Variants in FTO observed in about 807,000 individuals in gnomAD.
The protein encoded by FTO is alpha-ketoglutarate-dependent dioxygenase FTO.
Under a neutral mutation model 63.9 loss-of-function variants are expected in FTO, and 47 were observed. That is an observed-to-expected ratio of 0.74 (90% CI 0.58 to 0.94). The LOEUF is 0.94. Ranked by LOEUF, FTO falls within the 40% of genes least tolerant of loss-of-function variation. The pLI, the probability that FTO is intolerant of heterozygous loss-of-function variation, is 0.00. For missense variants in FTO, 562 were observed against 618.1 expected (o/e 0.91, Z 0.96); for synonymous variants, 207 against 224.4 (o/e 0.92, Z 0.69).
intron 8 of FTO, among the ~76,000 whole-genome samples, chr16:53,959,108 A>G (rs1399077493): frequency 1.3e-5 from 2 of 152,178 alleles, no homozygotes; most frequent in Non-Finnish European, 2.9e-5. Flanking sequence ...AACTGTTACA[A>G]TGGTAGGTAT....
At chr16:53,807,484 T>G (rs1204736577) in intron 1 of FTO, among the ~76,000 whole-genome samples, 1 of 152,216 alleles carries the variant, frequency 6.6e-6, no homozygotes, top group Non-Finnish European at 1.5e-5. Flanking sequence ...TCAGCCTACA[T>G]TGGCACTTGT....
At chr16:53,922,454 C>A (rs1395284557) in intron 7 of FTO, among the ~76,000 whole-genome samples, 1 of 152,078 alleles carries the variant, frequency 6.6e-6, no homozygotes, top group African/African-American at 2.4e-5. Context: ...AATTTCAACA[C>A]CTAAAAATCC....
rs796076756 is a variant in FTO, at chr16:53,968,080, C to A, written c.1364+33971C>A. ...ATATAAAAGAAATTCACCATATATACTTGATTCGGGTCTATCAGTGATATA... is the reference window on the plus strand; with the variant it reads ...ATATAAAAGAAATTCACCATATATAATTGATTCGGGTCTATCAGTGATATA... On this transcript the variant is annotated intron_variant, in intron 8 of 8. Transcript: ENST00000471389. Among the ~76,000 whole-genome samples the A allele has an allele frequency of 4.6e-5, 7 of 152,140 alleles. No individual in the cohort carries two copies. The South Asian group carries it at 1.2e-3, about 27-fold the overall frequency.
chr16:53,743,538 A>C (rs1229408190), intron 1 of FTO, among the ~76,000 whole-genome samples: 1 of 148,776 alleles, frequency 6.7e-6, no homozygotes, highest in Non-Finnish European at 1.5e-5. Flanking sequence ...TCACTTATAA[A>C]AGTGGGAAAG....
intron 1 of FTO, among the ~76,000 whole-genome samples, chr16:53,798,687 C>A (rs957477333): frequency 3.9e-5 from 6 of 152,022 alleles, no homozygotes; most frequent in Non-Finnish European, 8.8e-5. Flanking sequence ...ATGCTTATGT[C>A]GTATTTAAAT....
intron 8 of FTO, among the ~76,000 whole-genome samples, chr16:53,964,048 C>T (rs935073404): frequency 3.9e-5 from 6 of 152,176 alleles, no homozygotes; most frequent in South Asian, 4.1e-4. Flanking sequence ...CCACCGCGCC[C>T]GGCCTACCAA....
intron 7 of FTO, among the ~76,000 whole-genome samples, chr16:53,907,379 G>C (rs1252313502): frequency 6.6e-6 from 1 of 152,172 alleles, no homozygotes; most frequent in Non-Finnish European, 1.5e-5. Context: ...GTAGAGTACA[G>C]TATTGGTGGT....
At chr16:53,704,129 G>T, upstream of FTO, 1 of 1,526,438 alleles carries the variant, frequency 6.6e-7, no homozygotes, top group Non-Finnish European at 8.9e-7. Flanking sequence ...AGGAGGCGGG[G>T]TCCAGGGCGA....
At chr16:53,788,099 T>TGTCAACA (rs1245389849) in intron 1 of FTO, among the ~76,000 whole-genome samples, 10 of 152,228 alleles carry the variant, frequency 6.6e-5, no homozygotes, top group Non-Finnish European at 1.5e-4. Context: ...AGTGATGTGC[T>TGTCAACA]GTCAACATAT....
intron 8 of FTO, among the ~76,000 whole-genome samples, chr16:53,966,958 T>A (rs1177068258): frequency 6.6e-6 from 1 of 152,138 alleles, no homozygotes; most frequent in Non-Finnish European, 1.5e-5. Flanking sequence ...GTGGAGTGGG[T>A]GAGTCCTGCT....
intron 2 of FTO, among the ~76,000 whole-genome samples, chr16:53,816,821 T>C (rs1165130551): frequency 1.3e-5 from 2 of 152,246 alleles, no homozygotes; most frequent in Admixed American, 6.5e-5. Flanking sequence ...TATATGCTTA[T>C]TGTCTGGCTC....
chr16:53,708,146 G>A (rs1285676476), intron 1 of FTO, among the ~76,000 whole-genome samples: 1 of 152,118 alleles, frequency 6.6e-6, no homozygotes, highest in African/African-American at 2.4e-5. Flanking sequence ...ATCACCTGAG[G>A]TCAGGATAAC....
intron 3 of FTO, among the ~76,000 whole-genome samples, chr16:53,834,284 A>G (rs909356269): frequency 2.0e-5 from 3 of 152,168 alleles, no homozygotes; most frequent in Admixed American, 2.0e-4. Flanking sequence ...TCGGCCTCCC[A>G]AAGTGCTGGG....
At chr16:53,752,989 G>C (rs1311994191) in intron 1 of FTO, among the ~76,000 whole-genome samples, 1 of 151,324 alleles carries the variant, frequency 6.6e-6, no homozygotes, top group Non-Finnish European at 1.5e-5. Context: ...GATAGGAATA[G>C]GTGGCTCATG....
In FTO at chr16:53,988,399, T is replaced by C. The variant is rs553678572; in HGVS notation, c.1364+54290T>C. On this transcript the variant is annotated intron_variant, in intron 8 of 8. Coordinates refer to ENST00000471389, the MANE Select transcript of FTO (RefSeq NM_001080432.3). ...TACGTTGGGGCCTTAAGTTGGGCTA[T>C]GAAGAAAAAATTCTGGCAGGGTTTG... Among the ~76,000 whole-genome samples the C allele has an allele frequency of 1.5e-4, 23 of 152,322 alleles. 1 individual carries two copies. In the South Asian group the frequency reaches 4.8e-3, roughly 32 times the overall value.
At chr16:53,934,837 ATGT>A (rs1396823508) in intron 8 of FTO, among the ~76,000 whole-genome samples, 2 of 152,086 alleles carry the variant, frequency 1.3e-5, no homozygotes, top group African/African-American at 4.8e-5. Context: ...AAACCTCAAA[ATGT>A]TGTTACGTGG....
chr16:54,108,216 A>C (rs570618725), intron 8 of FTO, among the ~76,000 whole-genome samples: 1 of 152,224 alleles, frequency 6.6e-6, no homozygotes, highest in African/African-American at 2.4e-5. Flanking sequence ...GCAAGAGACT[A>C]TGTAGAGTAT....
chr16:53,790,095 G>A (rs11646715), intron 1 of FTO, among the ~76,000 whole-genome samples: 60,920 of 149,036 alleles, frequency 0.41, 14,400 homozygotes, highest in Middle Eastern at 0.61. Flanking sequence ...ATTACTATAT[G>A]TATTTTTAAT....
At chr16:53,792,653 A>G (rs1437786244) in intron 1 of FTO, among the ~76,000 whole-genome samples, 1 of 152,220 alleles carries the variant, frequency 6.6e-6, no homozygotes, top group African/African-American at 2.4e-5. Flanking sequence ...TACTAATGCT[A>G]AGTCAGGCAG....
Sources: allele counts gnomAD v4.1 joint callset (sites outside exome capture counted in the v4.1 genomes callset), GRCh38; gene constraint gnomAD v4.1.1; transcripts MANE v1.5; gene names NCBI Gene and HGNC (gene_info 2026-07-23, HGNC 2026-07-21).